CDK6: variants seen among roughly 807,000 people sequenced by gnomAD.
CDK6 encodes cyclin-dependent kinase 6.
A neutral mutation model predicts 37.1 loss-of-function variants in CDK6; 6 were observed. The ratio of observed to expected loss-of-function variants is 0.16; its 90% CI spans 0.09 to 0.32. The LOEUF is 0.32. Ranked by LOEUF, CDK6 falls within the 10% of genes least tolerant of loss-of-function variation. The pLI is 1.00. For missense variants in CDK6, 224 were observed against 418.9 expected, an observed-to-expected ratio of 0.53 and a Z score of 4.06; for synonymous variants, 160 against 161.3, an observed-to-expected ratio of 0.99 and a Z score of 0.06.
At chr7:92,787,195 A>G (rs1363981834) in intron 2 of CDK6, among the ~76,000 whole-genome samples, 1 of 151,562 alleles carries the variant, frequency 6.6e-6, no homozygotes, top group Admixed American at 6.6e-5. Flanking sequence ...CAAAAAAAAA[A>G]AAAAAAAAAA....
intron 5 of CDK6, among the ~76,000 whole-genome samples, chr7:92,632,325 A>G (rs1796071807): frequency 6.6e-6 from 1 of 152,224 alleles, no homozygotes; most frequent in Admixed American, 6.5e-5. Context: ...AAAGAAAAAA[A>G]GAAGCTTTGC....
chr7:92,615,227 T>C lies in CDK6; in HGVS notation c.894A>G (p.Pro298=), dbSNP rs371298524. 116 of 1,614,184 alleles carry C rather than the reference T, an allele frequency of 7.2e-5. 1 individual carries two copies. The South Asian group carries it at 1.2e-3, about 16-fold the overall frequency. ...RISAYSALSH[P]YFQDLERCKE... ...TGCACCTTTCCAGGTCCTGGAAGTA[T>C]GGGTGAGACAGGGCACTGTAGGCAG... is the stretch of plus-strand genomic sequence containing the variant. Residue 298 remains proline (P), a synonymous_variant, in exon 8 of 8, where the codon CCA becomes CCG. Transcript: ENST00000424848.
Position 92,833,163 on chromosome 7 carries a change from A to C in CDK6, c.161T>G (p.Met54Arg), listed in dbSNP as rs2116032248. The change falls in exon 2 of 8, where the codon ATG (methionine) becomes AGG (arginine). Residue 54 changes from methionine to arginine, a missense_variant. By Grantham distance (91) the Met-to-Arg change is moderately conservative (BLOSUM62 -1). This residue lies in a region of CDK6 where 21 missense variants were observed against 18.4 expected (regional missense o/e 1.14). Coordinates refer to ENST00000424848, the MANE Select transcript of CDK6 (RefSeq NM_001145306.2). This position sits in a 1 kb window ranked among gnomAD's most constrained non-coding sequence, Gnocchi z 6.1. ...RVRVQTGEEGMPLSTIREVAV... is the reference protein window; with the variant it reads ...RVRVQTGEEGRPLSTIREVAV... ...CACCTCGCGGATGGTGGAGAGCGGC[A>C]TGCCCTCCTCGCCGGTCTGCACCCG... 6.2e-7 allele frequency: 1 copy of C among 1,609,530 alleles called. No individual in the cohort carries two copies. The highest frequency in any genetic ancestry group is 1.7e-5 in the Admixed American group (1 of 59,766).
At chr7:92,692,771 G>A (rs1422071441) in intron 4 of CDK6, among the ~76,000 whole-genome samples, 1 of 152,156 alleles carries the variant, frequency 6.6e-6, no homozygotes, top group East Asian at 1.9e-4. Flanking sequence ...CTGAATTATG[G>A]AGTAAGACTG....
At chr7:92,831,631 A>G (rs998094366) in intron 2 of CDK6, among the ~76,000 whole-genome samples, 1 of 152,236 alleles carries the variant, frequency 6.6e-6, no homozygotes, top group African/African-American at 2.4e-5. Context: ...AGGTTTTTAT[A>G]TATAATCTCA....
intron 4 of CDK6, among the ~76,000 whole-genome samples, chr7:92,674,626 T>C (rs1797163694): frequency 6.6e-6 from 1 of 152,230 alleles, no homozygotes; most frequent in Non-Finnish European, 1.5e-5. Context: ...GAGGAACACT[T>C]CTTTGCTTCC....
At chr7:92,780,683 C>A (rs1799965011) in intron 2 of CDK6, among the ~76,000 whole-genome samples, 1 of 151,232 alleles carries the variant, frequency 6.6e-6, no homozygotes, top group South Asian at 2.1e-4. Context: ...ATGGCGTGAA[C>A]CTGAGAGGCA....
chr7:92,736,662 C>T (rs1798794896), intron 3 of CDK6, among the ~76,000 whole-genome samples: 1 of 152,156 alleles, frequency 6.6e-6, no homozygotes, highest in South Asian at 2.1e-4. Flanking sequence ...TAAATGGGAC[C>T]ACACTGCAAA....
intron 2 of CDK6, among the ~76,000 whole-genome samples, chr7:92,780,737 C>G (rs1799966643): frequency 6.7e-6 from 1 of 148,764 alleles, no homozygotes; most frequent in Non-Finnish European, 1.5e-5. Context: ...CTCCATCCAG[C>G]CTGGGCAATG....
chr7:92,820,792 T>C (rs1231451963), intron 2 of CDK6, among the ~76,000 whole-genome samples: 2 of 152,044 alleles, frequency 1.3e-5, no homozygotes, highest in African/African-American at 4.8e-5. Flanking sequence ...CAACAGCATA[T>C]TATCTAAATT....
intron 3 of CDK6, among the ~76,000 whole-genome samples, chr7:92,742,365 T>C (rs1798943540): frequency 6.6e-6 from 1 of 152,208 alleles, no homozygotes; most frequent in Non-Finnish European, 1.5e-5. Context: ...AAATGTTTTC[T>C]GAAGGTTTTT....
intron 2 of CDK6, among the ~76,000 whole-genome samples, chr7:92,818,380 T>C (rs1801081340): frequency 6.6e-6 from 1 of 151,860 alleles, no homozygotes; most frequent in African/African-American, 2.4e-5. Context: ...GGTGCGGAAA[T>C]AGCTGGATAT....
At chr7:92,746,417 C>T (rs1799060539) in intron 3 of CDK6, among the ~76,000 whole-genome samples, 1 of 152,168 alleles carries the variant, frequency 6.6e-6, no homozygotes, top group Admixed American at 6.5e-5. Flanking sequence ...TGAATGCCAA[C>T]ATGATGTCAC....
At chr7:92,796,090 GAAAA>G (rs756349460) in intron 2 of CDK6, among the ~76,000 whole-genome samples, 3 of 69,404 alleles carry the variant, frequency 4.3e-5, no homozygotes, top group Admixed American at 1.5e-4. Context: ...TTAACTTGGA[GAAAA>G]AAAAAAAAAA....
At chr7:92,823,790 TA>T (rs1350597400) in intron 2 of CDK6, among the ~76,000 whole-genome samples, 1 of 152,208 alleles carries the variant, frequency 6.6e-6, no homozygotes, top group Admixed American at 6.5e-5. Flanking sequence ...AACTAAAGTT[TA>T]AAAGTCTACC....
At chr7:92,696,014 C>T (rs776350654) in intron 4 of CDK6, among the ~76,000 whole-genome samples, 1 of 152,198 alleles carries the variant, frequency 6.6e-6, no homozygotes, top group Non-Finnish European at 1.5e-5. Flanking sequence ...GTCAGACCCA[C>T]GGACATGTCA....
intron 5 of CDK6, among the ~76,000 whole-genome samples, chr7:92,659,058 C>T (rs1421527528): frequency 6.6e-6 from 1 of 152,204 alleles, no homozygotes; most frequent in South Asian, 2.1e-4. Context: ...ACATCTATAG[C>T]CCCTACACAA....
intron 2 of CDK6, among the ~76,000 whole-genome samples, chr7:92,780,932 A>G (rs1326336095): frequency 6.6e-6 from 1 of 152,008 alleles, no homozygotes; most frequent in African/African-American, 2.4e-5. Flanking sequence ...CTGTAACCTG[A>G]CAAAAATACC....
intron 5 of CDK6, among the ~76,000 whole-genome samples, chr7:92,625,256 ACAC>A (rs1470441323): frequency 6.7e-6 from 1 of 149,362 alleles, no homozygotes; most frequent in Non-Finnish European, 1.5e-5. Context: ...ACACACACAC[ACAC>A]CTCTCTTATT....
Sources: allele counts gnomAD v4.1 joint callset (sites outside exome capture counted in the v4.1 genomes callset), GRCh38; gene constraint gnomAD v4.1.1; regional missense constraint gnomAD v4.1.1; non-coding constraint Gnocchi (gnomAD v3.1); transcripts MANE v1.5; gene names NCBI Gene and HGNC (gene_info 2026-07-23, HGNC 2026-07-21).